Variants in NEB observed in about 807,000 individuals in gnomAD.
NEB encodes nebulin, also known as nemaline myopathy type 2.
Under a neutral mutation model 952.2 loss-of-function variants are expected in NEB, and 512 were observed. That is an observed-to-expected ratio of 0.54 (90% CI 0.50 to 0.58). NEB has a LOEUF of 0.58. NEB is among the 20% of genes least tolerant of loss of function. NEB has a pLI of 0.00. For missense variants in NEB, 8,428 were observed against 9,231.1 expected, an observed-to-expected ratio of 0.91 and a Z score of 3.56; for synonymous variants, 2,900 against 3,149.8, an observed-to-expected ratio of 0.92 and a Z score of 2.66.
chr2:151,655,816 C>A lies in NEB; in HGVS notation c.6702+1G>T. On this transcript the variant is annotated splice_donor_variant, in intron 50 of 181. Coordinates refer to ENST00000397345, the MANE Select transcript of NEB (RefSeq NM_001164508.2). LOFTEE classifies it high-confidence loss of function. Reference sequence around the variant, plus strand: ...GTGTGGACGGCCACTGTTCTCTGTACCTTGTTCATGGTATGTGCATTCTGC... The same window carrying A: ...GTGTGGACGGCCACTGTTCTCTGTAACTTGTTCATGGTATGTGCATTCTGC... 1.2e-6 allele frequency: 2 copies of A among 1,613,438 alleles called. No homozygotes were observed. Among genetic ancestry groups the A allele is most frequent in the Non-Finnish European group, 1.7e-6 (2 of 1,179,628 alleles).
rs916536137 is a variant in NEB at position 151,692,482 on chromosome 2, C to T, written c.1897-120G>A. The T allele has an allele frequency of 2.4e-5, 19 of 780,378 alleles. No homozygotes were observed. The African/African-American group carries it at 3.1e-4, about 13-fold the overall frequency. 48.3% of individuals were successfully genotyped at this position (780,378 alleles called of 1,614,324 possible). A position where few individuals can be genotyped will look rare whatever the true frequency, so the allele number is the denominator to read the frequency against. The stretch of plus-strand genomic sequence containing the variant: ...GGCAAAATTTATGTTTTCTCACCAT[C>T]AATTTTCCACAAAGCAGAAAAGCAG... On this transcript the variant is annotated intron_variant, in intron 20 of 181. Transcript: ENST00000397345.
At chr2:151,659,990 T>A (rs530140578) in intron 46 of NEB, among the ~76,000 whole-genome samples, 1 of 152,192 alleles carries the variant, frequency 6.6e-6, no homozygotes, top group Admixed American at 6.5e-5. Context: ...GTGGTGGACA[T>A]GGAGATGTGC....
At chr2:151,530,598 A>C (rs13425170) in intron 145 of NEB, 37,012 of 159,748 alleles carry the variant, frequency 0.23, 5,106 homozygotes, top group Non-Finnish European at 0.31. Context: ...ATTTTTAAAA[A>C]ATCAGTACCT....
Position 151,501,441 on chromosome 2 carries a change from C to T in NEB, c.23971G>A (p.Val7991Ile). 2 of 1,543,238 alleles carry T rather than the reference C, an allele frequency of 1.3e-6. No homozygotes were observed. Among genetic ancestry groups the T allele is most frequent in the Non-Finnish European group, 1.8e-6 (2 of 1,142,810 alleles). Reference sequence around the variant, plus strand: ...TTGACTCGCTCCATCTCAGGAGTGACAGGTAGGGGAGTCCCCTTGCTCAAG... The same window carrying T: ...TTGACTCGCTCCATCTCAGGAGTGATAGGTAGGGGAGTCCCCTTGCTCAAG... ...ENLSKGTPLP[V>I]TPEMERVKLN... The change falls in exon 168 of 182, where the codon GTC becomes ATC. Residue 7991 changes from valine to isoleucine, a missense_variant. Val to Ile is a conservative substitution (Grantham distance 29). Around this residue, in one of 11 missense-constraint regions of NEB, gnomAD observed 3,374 missense variants for 3,651.5 expected, o/e 0.92. Transcript: ENST00000397345.
At chr2:151,638,501 C>T (rs1298077283) in intron 63 of NEB, among the ~76,000 whole-genome samples, 2 of 152,184 alleles carry the variant, frequency 1.3e-5, no homozygotes, top group African/African-American at 2.4e-5. Flanking sequence ...TTGTTCTGTG[C>T]AGCTTCAGAG....
At chr2:151,673,848 C>T (rs2099330297) in intron 36 of NEB, among the ~76,000 whole-genome samples, 1 of 151,246 alleles carries the variant, frequency 6.6e-6, no homozygotes, top group South Asian at 2.1e-4. Flanking sequence ...ATTCTCGGGC[C>T]TCAGCCTCCC....
At chr2:151,610,356 A>G (rs577399266) in intron 80 of NEB, among the ~76,000 whole-genome samples, 160 bp downstream of exon 80, 5 of 152,228 alleles carry the variant, frequency 3.3e-5, no homozygotes, top group Non-Finnish European at 7.3e-5. Context: ...GCCAAAATGT[A>G]TTTTTATTCT....
chr2:151,531,932 T>C (rs770242024), intron 143 of NEB, 36 bp from the exon 144 acceptor site: 3 of 1,383,368 alleles, frequency 2.2e-6, no homozygotes, highest in Non-Finnish European at 3.0e-6. Context: ...CTCTAAGAAG[T>C]TGTAGAGTGG....
At chr2:151,639,789 A>AT in intron 62 of NEB, 68 bp downstream of exon 62, 2 of 1,342,530 alleles carry the variant, frequency 1.5e-6, no homozygotes, top group Admixed American at 4.4e-5. Flanking sequence ...TTCTTTCCTC[A>AT]TTAATGTTTC....
chr2:151,498,327 G>A lies in NEB; in HGVS notation c.24140C>T (p.Thr8047Ile). 6.4e-7 allele frequency: 1 copy of A among 1,550,800 alleles called. No homozygotes were observed. The highest frequency in any genetic ancestry group is 8.7e-7 in the Non-Finnish European group (1 of 1,146,416). The change falls in exon 170 of 182, where the codon ACA becomes ATA. Residue 8047 changes from threonine to isoleucine, a missense_variant. By Grantham distance (89) the Thr-to-Ile change is moderately conservative (BLOSUM62 -1). This residue lies in a region of NEB where 3,374 missense variants were observed against 3,651.5 expected (regional missense o/e 0.92). Transcript: ENST00000397345. ...SSVLYKENLG[T>I]GIPIPITPEM... ...AGGAGTGATGGGGATTGGAATTCCT[G>A]TCCCCAGGTTTTCTTTGTATAGCAC... is the stretch of plus-strand genomic sequence containing the variant.
chr2:151,644,955 G>C (rs1424497105), intron 55 of NEB, among the ~76,000 whole-genome samples: 1 of 152,078 alleles, frequency 6.6e-6, no homozygotes, highest in African/African-American at 2.4e-5. Context: ...TTCCTCCTAG[G>C]CTACAAACCT....
chr2:151,523,582 T>C (rs935315941), intron 153 of NEB, among the ~76,000 whole-genome samples: 2 of 152,250 alleles, frequency 1.3e-5, no homozygotes. Context: ...GGTCTGGTGG[T>C]AGATGATGGG....
intron 160 of NEB, 32 bp from the exon 161 acceptor site, chr2:151,512,869 G>T: frequency 6.9e-7 from 1 of 1,443,810 alleles, no homozygotes; most frequent in Non-Finnish European, 9.7e-7. Flanking sequence ...TTGGGTAAAT[G>T]TTTGCAATGT....
chr2:151,490,155 A>G (rs985741163), intron 180 of NEB, 78 bp from the exon 181 acceptor site: 159 of 1,254,092 alleles, frequency 1.3e-4, no homozygotes, highest in Middle Eastern at 3.9e-4. Context: ...CAGCTGAGTG[A>G]TGTCTTTTTC....
At chr2:151,630,870 C>A in intron 66 of NEB, 51 bp from the exon 67 acceptor site, 2 of 1,446,052 alleles carry the variant, frequency 1.4e-6, no homozygotes, top group South Asian at 1.4e-5. Context: ...ATAGAAATGA[C>A]AAAAAGTTCA....
At chr2:151,692,778 T>G (rs536948198) in intron 20 of NEB, among the ~76,000 whole-genome samples, 2 of 152,306 alleles carry the variant, frequency 1.3e-5, no homozygotes, top group Admixed American at 6.5e-5. Flanking sequence ...AACACCAGCC[T>G]GGCCAATGTG....
chr2:151,531,716 G>T, intron 144 of NEB, 76 bp downstream of exon 144: 1 of 1,162,798 alleles, frequency 8.6e-7, no homozygotes, highest in South Asian at 1.3e-5. Context: ...CAGACTTTGT[G>T]ACAATTTAAA....
At chr2:151,595,303 C>T (rs1303765195) in intron 92 of NEB, among the ~76,000 whole-genome samples, 255 of 149,218 alleles carry the variant, frequency 1.7e-3, no homozygotes, top group East Asian at 0.01. Flanking sequence ...CAGGCTGGAA[C>T]GCAATGGCAT....
chr2:151,505,314 T>A (rs541884621), intron 165 of NEB, among the ~76,000 whole-genome samples, 164 bp downstream of exon 165: 37 of 152,280 alleles, frequency 2.4e-4, no homozygotes, highest in South Asian at 1.2e-3. Context: ...TGGTTTCTTA[T>A]CTACTTTTGC....
Sources: allele counts gnomAD v4.1 joint callset (sites outside exome capture counted in the v4.1 genomes callset), GRCh38; gene constraint gnomAD v4.1.1; regional missense constraint gnomAD v4.1.1; transcripts MANE v1.5; gene names NCBI Gene and HGNC (gene_info 2026-07-23, HGNC 2026-07-21).